SZT2: variants seen among roughly 807,000 people sequenced by gnomAD.
The protein encoded by SZT2 is SZT2 subunit of KICSTOR complex, also known as KICSTOR complex protein SZT2.
Under a neutral mutation model 404.2 loss-of-function variants are expected in SZT2, and 216 were observed. That is an observed-to-expected ratio of 0.53 (90% CI 0.48 to 0.60). SZT2 has a LOEUF of 0.60. Ranked by LOEUF, SZT2 falls within the 20% of genes least tolerant of loss-of-function variation. The pLI, the probability that SZT2 is intolerant of heterozygous loss-of-function variation, is 0.00. For missense variants in SZT2, 3,857 were observed against 4,459.2 expected (o/e 0.86, Z 3.85); for synonymous variants, 1,693 against 1,749.9 (o/e 0.97, Z 0.81).
intron 26 of SZT2, 77 bp downstream of exon 26, chr1:43,427,811 C>A: frequency 6.6e-7 from 1 of 1,519,444 alleles, no homozygotes. Context: ...CACTAATAGG[C>A]GTGGGCAGGT....
Position 43,441,411 on chromosome 1 carries a change from G to A in SZT2, c.7511+31G>A. On this transcript the variant is annotated intron_variant, in intron 53 of 71. Coordinates refer to ENST00000634258, the MANE Select transcript of SZT2 (RefSeq NM_001365999.1). The surrounding 1 kb of genome is among the most constrained non-coding windows in gnomAD (Gnocchi z 4.8). ...TGTGTGGTGGTGGTGTGCCCTGGGA[G>A]GGTATGGGTGTGAAGTCACAGATGG... 1 of 1,612,568 alleles carries A rather than the reference G, an allele frequency of 6.2e-7. No individual in the cohort carries two copies. The highest frequency in any genetic ancestry group is 8.5e-7 in the Non-Finnish European group (1 of 1,178,978).
Position 43,423,264 on chromosome 1 carries a change from G to C in SZT2, c.2203G>C (p.Asp735His). Residue 735 changes from aspartate to histidine, a missense_variant, in exon 15 of 72, where the codon GAC (aspartate) becomes CAC (histidine). Asp to His is a moderately conservative substitution (Grantham distance 81, BLOSUM62 -1). This residue lies in a region of SZT2 where 1,725 missense variants were observed against 1,881.0 expected (regional missense o/e 0.92). Coordinates refer to ENST00000634258, the MANE Select transcript of SZT2 (RefSeq NM_001365999.1). ...GCTGGGGCCACAGCAGGCCCTGTCT[G>C]ACCGGCCCTGCCTTGTGGTCCTGCA... Reference protein sequence around the residue: ...PVLGPQQALSDRPCLVVLHKP... With the variant: ...PVLGPQQALSHRPCLVVLHKP... The C allele has an allele frequency of 6.3e-7, 1 of 1,574,882 alleles. No individual in the cohort carries two copies.
In SZT2 at chr1:43,452,922, C is replaced by T; in HGVS notation, c.*2442C>T. 1 of 1,606,664 alleles carries T rather than the reference C, an allele frequency of 6.2e-7. No individual in the cohort carries two copies. The highest frequency in any genetic ancestry group is 8.5e-7 in the Non-Finnish European group (1 of 1,177,296). On this transcript the variant is annotated 3_prime_UTR_variant, in exon 72 of 72. Transcript: ENST00000634258. Reference sequence around the variant, plus strand: ...ACATACATGTCCAGCCTCAGGAACGCTGCCAAATACACCAGGCCTCCTCTT... The same window carrying T: ...ACATACATGTCCAGCCTCAGGAACGTTGCCAAATACACCAGGCCTCCTCTT...
At chr1:43,412,683 CAATA>C (rs1487943636) in intron 4 of SZT2, 1 of 151,860 alleles carries the variant, frequency 6.6e-6, no homozygotes. Context: ...GCAAAGGAAA[CAATA>C]AACAAAGTGA....
At chr1:43,422,294 G>GA in intron 12 of SZT2, 69 bp downstream of exon 12, 1 of 1,516,058 alleles carries the variant, frequency 6.6e-7, no homozygotes, top group Non-Finnish European at 8.8e-7. Flanking sequence ...GGAATGATGG[G>GA]AAGGGGAGCA....
Position 43,426,440 on chromosome 1 carries a change from G to A in SZT2, c.3116G>A (p.Cys1039Tyr), listed in dbSNP as rs774164332. 13 of 1,596,328 alleles carry A rather than the reference G, an allele frequency of 8.1e-6. No individual in the cohort carries two copies. Among genetic ancestry groups the A allele is most frequent in the Non-Finnish European group, 1.1e-5 (13 of 1,179,074 alleles). ...NDMVLCLLHS[C>Y]LGQELSDREI... ...ATGGTGCTGTGCCTGCTGCACAGCT[G>A]CCTGGGGCAGGAGCTGAGTGACCGG... is the stretch of plus-strand genomic sequence containing the variant. The change falls in exon 22 of 72, where the codon TGC becomes TAC. Residue 1039 changes from cysteine to tyrosine, a missense_variant. Physicochemically the swap from Cys to Tyr is radical, Grantham distance 194. Around this residue, in one of 7 missense-constraint regions of SZT2, gnomAD observed 1,725 missense variants for 1,881.0 expected, o/e 0.92. Coordinates refer to ENST00000634258, the MANE Select transcript of SZT2 (RefSeq NM_001365999.1). The surrounding 1 kb of genome is among the most constrained non-coding windows in gnomAD (Gnocchi z 4.9).
Position 43,448,161 on chromosome 1 carries a change from C to T in SZT2, c.9646C>T (p.Pro3216Ser). 6.2e-7 allele frequency: 1 copy of T among 1,611,568 alleles called. No homozygotes were observed. Among genetic ancestry groups the T allele is most frequent in the Non-Finnish European group, 8.5e-7 (1 of 1,178,446 alleles). ...TGACATGCGCCGCTTCCGGAAGCCA[C>T]CCAGACTGCCCCCTGAGCCAGAGGC... ...TADMRRFRKP[P>S]RLPPEPEAPG... The change falls in exon 69 of 72, where the codon CCC becomes TCC. Residue 3216 changes from proline (P) to serine (S), a missense_variant. Around this residue, in one of 7 missense-constraint regions of SZT2, gnomAD observed 717 missense variants for 868.2 expected, o/e 0.83. Transcript: ENST00000634258. The surrounding 1 kb of genome is among the most constrained non-coding windows in gnomAD (Gnocchi z 4.2).
chr1:43,452,269 ACTGCTATTCGAT>A lies in SZT2; in HGVS notation c.*1791_*1802del. The A allele has an allele frequency of 6.2e-7, 1 of 1,614,046 alleles. No homozygotes were observed. The highest frequency in any genetic ancestry group is 8.5e-7 in the Non-Finnish European group (1 of 1,179,980). ...AAAAACGGCCTCCATCTCAGCCTTG[ACTGCTATTCGAT>A]CAGCTCCCTGGGGTACTCGGCCAGC... On this transcript the variant is annotated 3_prime_UTR_variant, in exon 72 of 72. Coordinates refer to ENST00000634258, the MANE Select transcript of SZT2 (RefSeq NM_001365999.1).
At chr1:43,449,846 A>T (rs1424461177) in intron 70 of SZT2, 3 of 575,436 alleles carry the variant, frequency 5.2e-6, no homozygotes, top group Non-Finnish European at 9.4e-6. Flanking sequence ...GATTGGCTTC[A>T]GTGTGCCAGG....
chr1:43,415,309 G>T (rs996453784), intron 5 of SZT2, 96 bp downstream of exon 5: 7 of 1,482,892 alleles, frequency 4.7e-6, no homozygotes, highest in Non-Finnish European at 6.3e-6. Flanking sequence ...GGGCAAAAAA[G>T]GGCTAAGAGC....
In SZT2 at chr1:43,439,360, T is replaced by C. The variant is rs1184860854; in HGVS notation, c.6795T>C (p.His2265=). Residue 2265 remains histidine (H), a splice_region_variant and synonymous_variant, in exon 49 of 72, where the codon CAT becomes CAC. Transcript: ENST00000634258. This position sits in a 1 kb window ranked among gnomAD's most constrained non-coding sequence, Gnocchi z 4.2. ...CTCTGTGGCTGTTCTTTCCCCAGCA[T>C]CCACTCCCACCACAGGGTGGCCTCC... ...TDSNSRNHFQ[H]PLPPQGGLPD... 1.2e-6 allele frequency: 2 copies of C among 1,613,990 alleles called. No homozygotes were observed. Among genetic ancestry groups the C allele is most frequent in the African/African-American group, 2.7e-5 (2 of 74,930 alleles).
intron 6 of SZT2, 121 bp downstream of exon 6, chr1:43,416,222 C>G (rs570028982): frequency 7.6e-7 from 1 of 1,315,446 alleles, no homozygotes; most frequent in East Asian, 2.5e-5. Flanking sequence ...GATCTGTTTC[C>G]TTGTTTGCAA....
rs576981305 is a variant in SZT2 at position 43,443,055 on chromosome 1, G to A, written c.8388G>A (p.Gln2796=). 9.7e-5 allele frequency: 157 copies of A among 1,613,346 alleles called. No homozygotes were observed. The South Asian group carries it at 1.6e-3, about 16-fold the overall frequency. The part of the protein sequence containing the change: ...PPDPVTYHGQ[Q]FLEIKMAERR... ...ATCCTGTCACCTACCATGGACAACAGTTCCTAGAGATCAAGATGGCAGAGC... is the reference window on the plus strand; with the variant it reads ...ATCCTGTCACCTACCATGGACAACAATTCCTAGAGATCAAGATGGCAGAGC... Residue 2796 remains glutamine (Q), a synonymous_variant, in exon 59 of 72, where the codon CAG becomes CAA. Transcript: ENST00000634258.
Position 43,424,023 on chromosome 1 carries a change from A to G in SZT2, c.2256-194A>G, listed in dbSNP as rs1652830261. Reference sequence around the variant, plus strand: ...TGGCTTAGCCGGGTATGAGTGGTACAGAGGTGTGGAAGGGCGTGGCTTAGC... The same window carrying G: ...TGGCTTAGCCGGGTATGAGTGGTACGGAGGTGTGGAAGGGCGTGGCTTAGC... On this transcript the variant is annotated intron_variant, in intron 15 of 71. Coordinates refer to ENST00000634258, the MANE Select transcript of SZT2 (RefSeq NM_001365999.1). The surrounding 1 kb of genome is among the most constrained non-coding windows in gnomAD (Gnocchi z 4.1). Among the ~76,000 whole-genome samples, 1 of 150,496 alleles carries G rather than the reference A, an allele frequency of 6.6e-6. No homozygotes were observed. Among genetic ancestry groups the G allele is most frequent in the Non-Finnish European group, 1.5e-5 (1 of 67,564 alleles).
In SZT2 at chr1:43,452,004, C is replaced by T. The variant is rs768169677; in HGVS notation, c.*1524C>T. 3 of 1,608,024 alleles carry T rather than the reference C, an allele frequency of 1.9e-6. No individual in the cohort carries two copies. Among genetic ancestry groups the T allele is most frequent in the South Asian group, 2.2e-5 (2 of 90,504 alleles). On this transcript the variant is annotated 3_prime_UTR_variant, in exon 72 of 72. Coordinates refer to ENST00000634258, the MANE Select transcript of SZT2 (RefSeq NM_001365999.1). ...GTGTTGATGGGCTCCAGCAGTCCCA[C>T]GAGGTCCTCCTAGCAGCATGTCGGG...
chr1:43,394,867 G>A (rs1648807439), intron 1 of SZT2, among the ~76,000 whole-genome samples: 1 of 144,388 alleles, frequency 6.9e-6, no homozygotes. Flanking sequence ...CAACGAGAGC[G>A]AAACTCCATC....
intron 3 of SZT2, chr1:43,404,158 G>A (rs1650014039): frequency 1.8e-6 from 1 of 551,608 alleles, no homozygotes; most frequent in Non-Finnish European, 3.2e-6. Context: ...AGTGAGCCGG[G>A]ATCAGGCCAC....
chr1:43,428,885 C>T lies in SZT2; in HGVS notation c.4166+399C>T, dbSNP rs1447601380. ...AAGTCCCCAGCTCACCTTAGGGGCT[C>T]AGCAGGTCCCTGTTGAAGGGAGGAA... On this transcript the variant is annotated intron_variant, in intron 28 of 71. Coordinates refer to ENST00000634258, the MANE Select transcript of SZT2 (RefSeq NM_001365999.1). 3 of 206,598 alleles carry T rather than the reference C, an allele frequency of 1.5e-5. No individual in the cohort carries two copies. The East Asian group carries it at 3.3e-4, about 23-fold the overall frequency. 12.8% of individuals were successfully genotyped at this position (206,598 alleles called of 1,614,324 possible). A position where few individuals can be genotyped will look rare whatever the true frequency, so the allele number is the denominator to read the frequency against.
Position 43,452,584 on chromosome 1 carries a change from G to A in SZT2, c.*2104G>A, listed in dbSNP as rs553376906. On this transcript the variant is annotated 3_prime_UTR_variant, in exon 72 of 72. Transcript: ENST00000634258. ...CCTTTCCTTCCCTCGGTCCTTCTCC[G>A]CAACCTGTAACCTGCTAAATTCTCA... 5.8e-5 allele frequency: 35 copies of A among 606,582 alleles called. No homozygotes were observed. The highest frequency in any genetic ancestry group is 4.8e-4 in the South Asian group (25 of 52,296). The allele number at this position is 606,582 out of a possible 1,614,324, so 37.6% of individuals were successfully genotyped here.
Sources: gnomAD v4.1 joint callset for allele counts (sites outside exome capture counted in the v4.1 genomes callset) on GRCh38, gnomAD v4.1.1 for gene constraint, gnomAD v4.1.1 regional missense constraint, Gnocchi (gnomAD v3.1) non-coding constraint, MANE v1.5 for transcripts, NCBI Gene and HGNC (gene_info 2026-07-23, HGNC 2026-07-21) for gene names.